Variants in CLMP observed in about 807,000 individuals in gnomAD.
The protein encoded by CLMP is CXADR like cell adhesion molecule, also known as CXADR-like membrane protein.
In CLMP, 27 loss-of-function variants were observed where a neutral mutation model predicts 45.2. The observed-to-expected ratio is 0.60, with a 90% CI of 0.44 to 0.82. The LOEUF (loss-of-function observed/expected upper bound fraction) is 0.82. Ranked by LOEUF, CLMP falls within the 40% of genes least tolerant of loss-of-function variation. The pLI is 0.00. For missense variants in CLMP, 403 were observed against 448.4 expected, an observed-to-expected ratio of 0.90 and a Z score of 0.91; for synonymous variants, 167 against 171.4, an observed-to-expected ratio of 0.97 and a Z score of 0.20.
chr11:123,112,338 C>CTTTTT (rs544128953), intron 1 of CLMP, among the ~76,000 whole-genome samples: 1 of 137,572 alleles, frequency 7.3e-6, no homozygotes, highest in Non-Finnish European at 1.6e-5. Context: ...TTTTCTTTTT[C>CTTTTT]TTTTTTTTTT....
intron 1 of CLMP, among the ~76,000 whole-genome samples, chr11:123,187,602 G>A (rs972548707): frequency 1.1e-4 from 16 of 152,120 alleles, no homozygotes; most frequent in Non-Finnish European, 2.1e-4. Context: ...TTTTCCCTGT[G>A]GAGTAATAAG....
At chr11:123,169,721 T>C (rs1313927885) in intron 1 of CLMP, among the ~76,000 whole-genome samples, 1 of 152,148 alleles carries the variant, frequency 6.6e-6, no homozygotes, top group African/African-American at 2.4e-5. Context: ...TGACAACATA[T>C]GCTCAAGGTT....
intron 1 of CLMP, among the ~76,000 whole-genome samples, chr11:123,154,313 C>T (rs1410235324): frequency 6.6e-6 from 1 of 152,128 alleles, no homozygotes; most frequent in African/African-American, 2.4e-5. Context: ...GCAAAACTTG[C>T]CCCCTATCCT....
intron 4 of CLMP, 76 bp downstream of exon 4, chr11:123,083,604 C>T: frequency 6.9e-7 from 1 of 1,458,082 alleles, no homozygotes; most frequent in Non-Finnish European, 9.6e-7. Context: ...TAGTGAGTTG[C>T]TGAGAAAGCT....
chr11:123,092,537 C>T (rs1408268215), intron 2 of CLMP, among the ~76,000 whole-genome samples: 2 of 152,120 alleles, frequency 1.3e-5, no homozygotes, highest in Admixed American at 1.3e-4. Context: ...ACCTTGTGAT[C>T]CACCCGCCTT....
At chr11:123,108,127 T>A (rs1366508713) in intron 1 of CLMP, among the ~76,000 whole-genome samples, 1 of 152,004 alleles carries the variant, frequency 6.6e-6, no homozygotes, top group African/African-American at 2.4e-5. Context: ...CCCCCTAGCC[T>A]CCCTTGTCAC....
rs550888215 is a variant in CLMP at position 123,141,173 on chromosome 11, CTTTTTTTTTTTTTTTTT to C, written c.29-43238_29-43222del. Among the ~76,000 whole-genome samples, 4 of 80,808 alleles carry C rather than the reference CTTTTTTTTTTTTTTTTT, an allele frequency of 4.9e-5. No individual in the cohort carries two copies. The Admixed American group carries it at 5.1e-4, about 10-fold the overall frequency. The allele number at this position is 80,808 out of a possible 152,430, so 53.0% of individuals were successfully genotyped here. On this transcript the variant is annotated intron_variant, in intron 1 of 6. Coordinates refer to ENST00000448775, the MANE Select transcript of CLMP (RefSeq NM_024769.5). ...GTACATTATCCAATCTCAGGCATTC[CTTTTTTTTTTTTTTTTT>C]TTTTTTTTTTTTGAGACGAAGTCTC...
intron 1 of CLMP, among the ~76,000 whole-genome samples, chr11:123,184,082 A>G (rs1285421379): frequency 6.6e-6 from 1 of 152,150 alleles, no homozygotes; most frequent in Non-Finnish European, 1.5e-5. Flanking sequence ...TAGCCTAGAA[A>G]TCATATTTTA....
chr11:123,123,776 T>C lies in CLMP; in HGVS notation c.29-25824A>G, dbSNP rs573115723. Among the ~76,000 whole-genome samples the C allele has an allele frequency of 1.2e-4, 19 of 152,294 alleles. No individual in the cohort carries two copies. In the South Asian group the frequency reaches 2.3e-3, roughly 18 times the overall value. ...TCCTGTCCTCATGTAGCATCCAGTGTAGTTGTAAGGCATGTGAAAAAATTA... is the reference window on the plus strand; with the variant it reads ...TCCTGTCCTCATGTAGCATCCAGTGCAGTTGTAAGGCATGTGAAAAAATTA... On this transcript the variant is annotated intron_variant, in intron 1 of 6. Coordinates refer to ENST00000448775, the MANE Select transcript of CLMP (RefSeq NM_024769.5).
chr11:123,173,165 C>T (rs760280391), intron 1 of CLMP, among the ~76,000 whole-genome samples: 10 of 152,320 alleles, frequency 6.6e-5, no homozygotes, highest in African/African-American at 1.4e-4. Flanking sequence ...ACAAAGAGCT[C>T]GGTTCTGGGA....
intron 1 of CLMP, among the ~76,000 whole-genome samples, chr11:123,143,241 G>A (rs115351986): frequency 1.9e-3 from 297 of 152,314 alleles, no homozygotes; most frequent in African/African-American, 6.4e-3. Flanking sequence ...ATCAGCATCC[G>A]TGGACCTTAG....
At chr11:123,182,713 G>A (rs757576251) in intron 1 of CLMP, among the ~76,000 whole-genome samples, 1 of 151,986 alleles carries the variant, frequency 6.6e-6, no homozygotes, top group African/African-American at 2.4e-5. Flanking sequence ...ACTCCAGCCC[G>A]ACCTCGGCAA....
Position 123,107,520 on chromosome 11 carries a change from C to T in CLMP, c.29-9568G>A, listed in dbSNP as rs1274093959. ...TGCTGGGATTACAGGTGCGAGCCAC[C>T]GCACCTGACCTAAATTTTTTTTTTT... On this transcript the variant is annotated intron_variant, in intron 1 of 6. Coordinates refer to ENST00000448775, the MANE Select transcript of CLMP (RefSeq NM_024769.5). Among the ~76,000 whole-genome samples the T allele has an allele frequency of 4.2e-5, 6 of 142,804 alleles. No individual in the cohort carries two copies. In the East Asian group the frequency reaches 6.4e-4, roughly 15 times the overall value. The allele number at this position is 142,804 out of a possible 152,430, so 93.7% of individuals were successfully genotyped here. A position where few individuals can be genotyped will look rare whatever the true frequency, so the allele number is the denominator to read the frequency against.
chr11:123,129,406 T>TAG, intron 1 of CLMP, among the ~76,000 whole-genome samples: 1 of 142,424 alleles, frequency 7.0e-6, no homozygotes, highest in Admixed American at 7.4e-5. Flanking sequence ...ATAAAATATA[T>TAG]ATCATATGAT....
chr11:123,156,217 A>G (rs771102753), intron 1 of CLMP, among the ~76,000 whole-genome samples: 8 of 152,226 alleles, frequency 5.3e-5, no homozygotes, highest in Non-Finnish European at 1.2e-4. Context: ...GCAACCATCC[A>G]CAAGCCAGGA....
At chr11:123,086,278 G>T (rs934417074) in intron 2 of CLMP, among the ~76,000 whole-genome samples, 13 of 152,204 alleles carry the variant, frequency 8.5e-5, no homozygotes, top group African/African-American at 3.1e-4. Flanking sequence ...ATTAAACAGA[G>T]AAAAAGAAAT....
chr11:123,106,402 T>C (rs1860551587), intron 1 of CLMP, among the ~76,000 whole-genome samples: 1 of 120,356 alleles, frequency 8.3e-6, no homozygotes, highest in African/African-American at 3.1e-5. Context: ...TGTGTGTGTG[T>C]GTGTGTGTGT....
chr11:123,151,285 T>C (rs1453867413), intron 1 of CLMP, among the ~76,000 whole-genome samples: 3 of 152,206 alleles, frequency 2.0e-5, no homozygotes, highest in South Asian at 4.1e-4. Flanking sequence ...TATGATAAAG[T>C]CCACATATGG....
At chr11:123,087,449 C>T (rs1458785153) in intron 2 of CLMP, among the ~76,000 whole-genome samples, 1 of 152,012 alleles carries the variant, frequency 6.6e-6, no homozygotes, top group African/African-American at 2.4e-5. Context: ...GCAGAGATTG[C>T]AGTGAGTGGA....
Sources: gnomAD v4.1 joint callset for allele counts (sites outside exome capture counted in the v4.1 genomes callset) on GRCh38, gnomAD v4.1.1 for gene constraint, MANE v1.5 for transcripts, NCBI Gene and HGNC (gene_info 2026-07-23, HGNC 2026-07-21) for gene names.